RUFY3: variants seen among roughly 807,000 people sequenced by gnomAD.
The protein encoded by RUFY3 is RUN and FYVE domain containing 3, also known as protein RUFY3.
A neutral mutation model predicts 84.0 loss-of-function variants in RUFY3; 34 were observed. That is an observed-to-expected ratio of 0.40 (90% CI 0.31 to 0.54). The LOEUF is 0.54. RUFY3 is among the 20% of genes least tolerant of loss of function. RUFY3 has a pLI of 0.39. For missense variants in RUFY3, 507 were observed against 736.8 expected (o/e 0.69, Z 3.61); for synonymous variants, 242 against 252.9 (o/e 0.96, Z 0.41).
exon 1 of RUFY3, chr4:70,705,183 C>A: frequency 6.8e-7 from 1 of 1,462,406 alleles, no homozygotes; most frequent in Non-Finnish European, 9.0e-7. Flanking sequence ...GCGCCCGCCG[C>A]CGCAGCAGCA....
chr4:70,768,349 A>G (rs1306354536), intron 4 of RUFY3, among the ~76,000 whole-genome samples, 189 bp from the exon 5 acceptor site: 1 of 151,310 alleles, frequency 6.6e-6, no homozygotes, highest in African/African-American at 2.4e-5. Context: ...GCCAACATCC[A>G]CCTATTATTC....
intron 1 of RUFY3, among the ~76,000 whole-genome samples, chr4:70,706,712 C>G (rs1323784030): frequency 1.3e-5 from 2 of 152,182 alleles, no homozygotes; most frequent in African/African-American, 4.8e-5. Flanking sequence ...CAGACACTGA[C>G]CATTGACTGT....
chr4:70,782,558 C>G (rs1033509008), intron 8 of RUFY3, among the ~76,000 whole-genome samples: 3 of 151,880 alleles, frequency 2.0e-5, no homozygotes, highest in African/African-American at 7.2e-5. Context: ...GCTGGGATTA[C>G]AGGCATGAGC....
rs1725194522 is a variant in RUFY3 at position 70,762,440 on chromosome 4, G to A, written c.179-79G>A. ...TTTTTCACAGTGAGTACATGGTGGA[G>A]AAGAATACAACTAATACTGAATTTT... On this transcript the variant is annotated intron_variant, in intron 1 of 17. Transcript: ENST00000381006. 4.6e-6 allele frequency: 6 copies of A among 1,304,662 alleles called. No homozygotes were observed. In the Admixed American group the frequency reaches 1.3e-4, roughly 28 times the overall value. 80.8% of individuals were successfully genotyped at this position (1,304,662 alleles called of 1,614,324 possible). A position where few individuals can be genotyped will look rare whatever the true frequency, so the allele number is the denominator to read the frequency against.
intron 1 of RUFY3, among the ~76,000 whole-genome samples, chr4:70,727,162 G>A (rs967526971): frequency 6.7e-6 from 1 of 149,994 alleles, no homozygotes; most frequent in Non-Finnish European, 1.5e-5. Context: ...TTTCAAGAAT[G>A]GAAGCAGAAC....
intron 4 of RUFY3, among the ~76,000 whole-genome samples, chr4:70,768,249 T>G (rs1267997780): frequency 6.6e-6 from 1 of 152,270 alleles, no homozygotes; most frequent in Non-Finnish European, 1.5e-5. Context: ...TACTGTTCAG[T>G]CACGTCTTTC....
chr4:70,713,248 C>G (rs1241327574), intron 1 of RUFY3, among the ~76,000 whole-genome samples: 1 of 152,132 alleles, frequency 6.6e-6, no homozygotes, highest in Non-Finnish European at 1.5e-5. Flanking sequence ...GTCTTGAATT[C>G]CTGACCTCAA....
intron 1 of RUFY3, among the ~76,000 whole-genome samples, chr4:70,741,082 G>C (rs1365552537): frequency 6.6e-6 from 1 of 151,696 alleles, no homozygotes; most frequent in Non-Finnish European, 1.5e-5. Flanking sequence ...GATTTATTTT[G>C]TGTATCTTCA....
At chr4:70,766,812 T>C (rs555502846) in intron 4 of RUFY3, among the ~76,000 whole-genome samples, 2 of 152,322 alleles carry the variant, frequency 1.3e-5, no homozygotes, top group African/African-American at 4.8e-5. Flanking sequence ...TGTATAATGA[T>C]ATGTATCCAT....
At chr4:70,769,440 T>C (rs1446298274) in intron 5 of RUFY3, among the ~76,000 whole-genome samples, 4 of 152,230 alleles carry the variant, frequency 2.6e-5, no homozygotes, top group Admixed American at 1.3e-4. Context: ...AAAAATACTT[T>C]ATTGCTAAAA....
At chr4:70,768,773 C>A in intron 5 of RUFY3, 112 bp downstream of exon 5, 1 of 989,332 alleles carries the variant, frequency 1.0e-6, no homozygotes, top group South Asian at 2.0e-5. Context: ...GAGTCATAAA[C>A]AGGATTTCCT....
At chr4:70,760,162 A>G (rs1377736515) in intron 1 of RUFY3, among the ~76,000 whole-genome samples, 1 of 152,122 alleles carries the variant, frequency 6.6e-6, no homozygotes, top group Non-Finnish European at 1.5e-5. Context: ...TAGTTCATGC[A>G]CTCCAGACCT....
At chr4:70,767,259 A>ATTTTT (rs779388140) in intron 4 of RUFY3, among the ~76,000 whole-genome samples, 24 of 49,688 alleles carry the variant, frequency 4.8e-4, no homozygotes, top group Non-Finnish European at 7.3e-4. Flanking sequence ...CTAATTTTGT[A>ATTTTT]TTTTTTTTTT....
chr4:70,733,078 AG>A (rs1719584352), intron 1 of RUFY3, among the ~76,000 whole-genome samples: 1 of 95,506 alleles, frequency 1.0e-5, no homozygotes, highest in Non-Finnish European at 2.0e-5. Context: ...AAAGAAAGAG[AG>A]AGAGAGAGAG....
At chr4:70,727,136 A>G (rs180912510) in intron 1 of RUFY3, among the ~76,000 whole-genome samples, 200 of 149,958 alleles carry the variant, frequency 1.3e-3, no homozygotes, top group African/African-American at 4.7e-3. Context: ...TTTAGAGAAC[A>G]TGTGTTCTCT....
chr4:70,786,226 T>TGG (rs1472445126), intron 10 of RUFY3, among the ~76,000 whole-genome samples: 1 of 152,008 alleles, frequency 6.6e-6, no homozygotes, highest in Non-Finnish European at 1.5e-5. Context: ...GAGAGTAAGG[T>TGG]GGGGTTACCA....
intron 1 of RUFY3, among the ~76,000 whole-genome samples, chr4:70,738,572 C>T (rs1049361449): frequency 1.3e-4 from 19 of 148,356 alleles, no homozygotes; most frequent in African/African-American, 4.5e-4. Flanking sequence ...CTGTGTTGGC[C>T]AGGATGGTCT....
rs927809769 is a variant in RUFY3, at chr4:70,724,917, C to T, written c.178+2166C>T. The stretch of plus-strand genomic sequence containing the variant: ...GCATTTAAGTGGTGGTCACCAGGCC[C>T]ATGATTATGTGAATCTCACCTTGTT... On this transcript the variant is annotated intron_variant, in intron 1 of 17. Transcript: ENST00000381006. Among the ~76,000 whole-genome samples, 17 of 152,228 alleles carry T rather than the reference C, an allele frequency of 1.1e-4. No homozygotes were observed. The East Asian group carries it at 2.5e-3, about 22-fold the overall frequency.
chr4:70,791,613 G>GT, intron 12 of RUFY3: 1 of 1,120,530 alleles, frequency 8.9e-7, no homozygotes, highest in South Asian at 2.8e-5. Context: ...TTGAAGCTCT[G>GT]TACATATACT....
Sources: gnomAD v4.1 joint callset for allele counts (sites outside exome capture counted in the v4.1 genomes callset) on GRCh38, gnomAD v4.1.1 for gene constraint, MANE v1.5 for transcripts, NCBI Gene and HGNC (gene_info 2026-07-23, HGNC 2026-07-21) for gene names.